CNTNAP5: variants seen among roughly 807,000 people sequenced by gnomAD.
CNTNAP5 encodes the protein contactin associated protein family member 5.
CNTNAP5 carries 72 observed loss-of-function variants against 150.2 expected under a neutral mutation model. The observed-to-expected ratio is 0.48, with a 90% confidence interval of 0.40 to 0.58. The LOEUF (loss-of-function observed/expected upper bound fraction) is 0.58, where lower values mean the gene tolerates loss of function less well. Among genes scored for constraint, CNTNAP5 ranks in the 20% least tolerant of loss-of-function variants. The probability of loss-of-function intolerance (pLI) is 0.00; values close to 1 mark genes in which losing one functional copy is unlikely to be tolerated. For synonymous variants in CNTNAP5, 672 were observed against 619.8 expected, an observed-to-expected ratio of 1.08 and a Z score of -1.25; for missense variants, 1,636 against 1,626.2, an observed-to-expected ratio of 1.01 and a Z score of -0.10.
At chr2:124,153,547 C>G (rs1684452641) in intron 1 of CNTNAP5, among the ~76,000 whole-genome samples, 1 of 150,262 alleles carries the variant, frequency 6.7e-6, no homozygotes, top group African/African-American at 2.5e-5. Flanking sequence ...GGTTCATAGA[C>G]AGTCATCACC....
Position 124,249,196 on chromosome 2 carries a change from ACT to A in CNTNAP5, c.381+6806_381+6807del, listed in dbSNP as rs200747628. On this transcript the variant is annotated intron_variant, in intron 3 of 23. Transcript: ENST00000682447. ...ATATCATGACTTACTTTCCAATCTG[ACT>A]CTGGCATAACAAGGAAGAAAATAAA... Among the ~76,000 whole-genome samples, 86 of 152,076 alleles carry A rather than the reference ACT, an allele frequency of 5.7e-4. No homozygotes were observed. The East Asian group carries it at 0.011, about 20-fold the overall frequency.
At chr2:124,622,877 G>C (rs962851063) in intron 12 of CNTNAP5, among the ~76,000 whole-genome samples, 1 of 152,140 alleles carries the variant, frequency 6.6e-6, no homozygotes, top group African/African-American at 2.4e-5. Flanking sequence ...GTTGTCATTT[G>C]ATTACAGACT....
chr2:124,351,613 G>C (rs1024631136), intron 3 of CNTNAP5, among the ~76,000 whole-genome samples: 3 of 152,172 alleles, frequency 2.0e-5, no homozygotes, highest in Admixed American at 6.5e-5. Context: ...CAAAAGGAAC[G>C]AGGAAGCAGA....
At chr2:124,099,517 A>G (rs1445165398) in intron 1 of CNTNAP5, among the ~76,000 whole-genome samples, 1 of 152,198 alleles carries the variant, frequency 6.6e-6, no homozygotes, top group Admixed American at 6.5e-5. Context: ...GACCCTGGGT[A>G]TGGCACCTTG....
At chr2:124,912,272 C>T (rs1375597200) in intron 23 of CNTNAP5, among the ~76,000 whole-genome samples, 2 of 152,120 alleles carry the variant, frequency 1.3e-5, no homozygotes. Context: ...GTGCCGCCAT[C>T]CCTGCCTTCT....
chr2:124,411,106 A>G (rs1168031723), intron 3 of CNTNAP5, among the ~76,000 whole-genome samples: 1 of 152,240 alleles, frequency 6.6e-6, no homozygotes, highest in Non-Finnish European at 1.5e-5. Flanking sequence ...AAACACCTCT[A>G]TGCAAATAAA....
At chr2:124,805,941 C>A (rs1682070955) in intron 19 of CNTNAP5, among the ~76,000 whole-genome samples, 1 of 152,160 alleles carries the variant, frequency 6.6e-6, no homozygotes, top group Non-Finnish European at 1.5e-5. Flanking sequence ...CTAATAACTT[C>A]ATTTACCCTG....
chr2:124,848,737 T>A (rs1393076616), intron 19 of CNTNAP5, among the ~76,000 whole-genome samples: 1 of 152,222 alleles, frequency 6.6e-6, no homozygotes, highest in Middle Eastern at 3.2e-3. Context: ...TGATCTGCAT[T>A]TCTCTGATGA....
intron 13 of CNTNAP5, among the ~76,000 whole-genome samples, chr2:124,707,042 G>GAAGAAGAAGAAGA (rs1558743488): frequency 1.6e-4 from 12 of 76,048 alleles, no homozygotes; most frequent in African/African-American, 6.9e-4. Context: ...GAAGAAGAAG[G>GAAGAAGAAGAAGA]AGGAGGAGGA....
At chr2:124,194,009 C>A (rs1015138957) in intron 1 of CNTNAP5, among the ~76,000 whole-genome samples, 1 of 152,080 alleles carries the variant, frequency 6.6e-6, no homozygotes, top group Non-Finnish European at 1.5e-5. Context: ...CCTAATCAAC[C>A]TTAGCTTGCA....
chr2:124,861,754 T>A (rs924743215), intron 19 of CNTNAP5, among the ~76,000 whole-genome samples: 3 of 152,198 alleles, frequency 2.0e-5, no homozygotes, highest in Non-Finnish European at 2.9e-5. Flanking sequence ...TTTCTTTTTA[T>A]ACATATTTAT....
chr2:124,885,841 G>A (rs901934878), intron 21 of CNTNAP5, among the ~76,000 whole-genome samples: 5 of 151,940 alleles, frequency 3.3e-5, no homozygotes, highest in African/African-American at 1.2e-4. Context: ...ATATGTCAGG[G>A]TGTTTTTTAA....
chr2:124,716,354 A>G (rs1052743410), intron 13 of CNTNAP5, among the ~76,000 whole-genome samples: 7 of 152,026 alleles, frequency 4.6e-5, no homozygotes, highest in Non-Finnish European at 1.0e-4. Flanking sequence ...CGTTATCCTT[A>G]TTTTTCTCAA....
chr2:124,408,732 C>T (rs1161605107), intron 3 of CNTNAP5, among the ~76,000 whole-genome samples: 1 of 150,678 alleles, frequency 6.6e-6, no homozygotes, highest in Non-Finnish European at 1.5e-5. Flanking sequence ...AAAAACCCAT[C>T]TGTACATCAC....
chr2:124,663,562 G>C (rs533708981), intron 13 of CNTNAP5, among the ~76,000 whole-genome samples: 53 of 152,132 alleles, frequency 3.5e-4, no homozygotes, highest in Non-Finnish European at 7.1e-4. Context: ...TGGAGTAGTT[G>C]CAGAATCCAT....
intron 1 of CNTNAP5, among the ~76,000 whole-genome samples, chr2:124,133,861 T>C (rs943249231): frequency 1.3e-5 from 2 of 152,196 alleles, no homozygotes; most frequent in African/African-American, 2.4e-5. Context: ...CCATAGTGTA[T>C]ATTTTATTGT....
At chr2:124,716,661 A>T (rs949793262) in intron 13 of CNTNAP5, among the ~76,000 whole-genome samples, 3 of 152,210 alleles carry the variant, frequency 2.0e-5, no homozygotes, top group South Asian at 2.1e-4. Context: ...TACCATGAGT[A>T]AAGATTCATG....
chr2:124,511,536 G>A (rs1191055208), intron 8 of CNTNAP5, among the ~76,000 whole-genome samples: 2 of 152,166 alleles, frequency 1.3e-5, no homozygotes, highest in Non-Finnish European at 2.9e-5. Context: ...GTCTTGTTCC[G>A]TTAGCCTCAC....
chr2:124,145,837 A>AAAAT (rs140477380), intron 1 of CNTNAP5, among the ~76,000 whole-genome samples: 10 of 46,938 alleles, frequency 2.1e-4, no homozygotes, highest in South Asian at 1.1e-3. Flanking sequence ...AAGAAGAAAA[A>AAAAT]AAAAAAAAAT....
Sources: allele counts gnomAD v4.1 joint callset (sites outside exome capture counted in the v4.1 genomes callset), GRCh38; gene constraint gnomAD v4.1.1; transcripts MANE v1.5; gene names NCBI Gene and HGNC (gene_info 2026-07-23, HGNC 2026-07-21).